The following CCSER1 variants were observed in gnomAD, a reference collection of about 807,000 sequenced individuals.
CCSER1 encodes the protein coiled-coil serine rich protein 1.
In CCSER1, 41 loss-of-function variants were observed where a neutral mutation model predicts 82.0. The observed-to-expected ratio is 0.50, with a 90% CI of 0.39 to 0.65. CCSER1 has a LOEUF of 0.65. CCSER1 is among the 30% of genes least tolerant of loss of function. The pLI, the probability that CCSER1 is intolerant of heterozygous loss-of-function variation, is 0.00. For missense variants in CCSER1, 1,119 were observed against 1,064.2 expected (o/e 1.05, Z -0.72); for synonymous variants, 414 against 383.9 (o/e 1.08, Z -0.92).
At chr4:90,853,392 A>T (rs534996371) in intron 8 of CCSER1, among the ~76,000 whole-genome samples, 2 of 152,272 alleles carry the variant, frequency 1.3e-5, no homozygotes, top group Admixed American at 1.3e-4. Flanking sequence ...TGCTCCTATA[A>T]TTCGTTTTAG....
intron 1 of CCSER1, among the ~76,000 whole-genome samples, chr4:90,259,564 A>G (rs1405347734): frequency 6.6e-6 from 1 of 151,976 alleles, no homozygotes. Context: ...CTCAGGGGAA[A>G]TGCTTTTAGC....
intron 10 of CCSER1, among the ~76,000 whole-genome samples, chr4:91,189,470 T>C (rs957418937): frequency 1.3e-5 from 2 of 152,184 alleles, no homozygotes; most frequent in South Asian, 4.1e-4. Context: ...CCTGGAGTCA[T>C]TGTCTAACCT....
intron 1 of CCSER1, among the ~76,000 whole-genome samples, chr4:90,300,924 C>A (rs1343484071): frequency 1.3e-5 from 2 of 152,164 alleles, no homozygotes; most frequent in African/African-American, 4.8e-5. Flanking sequence ...CTCCAAGGCT[C>A]ATGTGATCCT....
At chr4:91,301,986 CGTTT>C (rs1282011515) in intron 10 of CCSER1, among the ~76,000 whole-genome samples, 1 of 151,390 alleles carries the variant, frequency 6.6e-6, no homozygotes, top group Non-Finnish European at 1.5e-5. Context: ...TTCCTTCCTT[CGTTT>C]ATTTCCTTTT....
chr4:91,423,365 G>A (rs1222900104), intron 10 of CCSER1, among the ~76,000 whole-genome samples: 1 of 151,936 alleles, frequency 6.6e-6, no homozygotes, highest in Non-Finnish European at 1.5e-5. Flanking sequence ...AGGAGGTGGA[G>A]ATTGCAGTAG....
rs1370506797 is a variant in CCSER1, at chr4:91,574,259, A to AGG, written c.2218-24313_2218-24312insGG. On this transcript the variant is annotated intron_variant, in intron 10 of 10. Transcript: ENST00000509176. ...AACAGATGCTACTGAGGTTCTGGAA[A>AGG]AAAAAAAATGAATGCTTATACATAT... is the stretch of plus-strand genomic sequence containing the variant. Among the ~76,000 whole-genome samples the AGG allele has an allele frequency of 9.0e-3, 1,353 of 149,582 alleles. 8 individuals carry two copies. The highest frequency in any genetic ancestry group is 0.021 in the Middle Eastern group (6 of 286).
At chr4:90,661,980 C>A (rs1730879392) in intron 6 of CCSER1, among the ~76,000 whole-genome samples, 1 of 150,532 alleles carries the variant, frequency 6.6e-6, no homozygotes, top group East Asian at 2.0e-4. Flanking sequence ...TGTCCTATAC[C>A]ACTCTTTGTT....
At chr4:91,076,782 C>A (rs1561526425) in intron 9 of CCSER1, among the ~76,000 whole-genome samples, 3 of 152,086 alleles carry the variant, frequency 2.0e-5, no homozygotes, top group Admixed American at 1.3e-4. Context: ...TGAGATCAAT[C>A]CAACACTGGA....
At chr4:91,166,067 G>T (rs1732031240) in intron 10 of CCSER1, among the ~76,000 whole-genome samples, 1 of 152,192 alleles carries the variant, frequency 6.6e-6, no homozygotes, top group Non-Finnish European at 1.5e-5. Context: ...TCTTGAAATG[G>T]AATGCAATTA....
chr4:91,438,414 C>A lies in CCSER1; in HGVS notation c.2218-160158C>A, dbSNP rs535137555. ...CTAGCAAACTCCAACAGACCTGCAGCTGAGGGTCCTGTCTGTTAGAAGGAA... is the reference window on the plus strand; with the variant it reads ...CTAGCAAACTCCAACAGACCTGCAGATGAGGGTCCTGTCTGTTAGAAGGAA... On this transcript the variant is annotated intron_variant, in intron 10 of 10. Coordinates refer to ENST00000509176, the MANE Select transcript of CCSER1 (RefSeq NM_001145065.2). Among the ~76,000 whole-genome samples, 960 of 152,298 alleles carry A rather than the reference C, an allele frequency of 6.3e-3. 10 individuals are homozygous for A. Among genetic ancestry groups the A allele is most frequent in the African/African-American group, 0.022 (927 of 41,550 alleles).
At chr4:90,969,633 T>A (rs73834713) in intron 9 of CCSER1, among the ~76,000 whole-genome samples, 4,987 of 151,972 alleles carry the variant, frequency 0.033, 272 homozygotes, top group African/African-American at 0.1. Flanking sequence ...AACAAAAATT[T>A]AGAGGGAATT....
At chr4:91,288,482 T>C (rs1023654048) in intron 10 of CCSER1, among the ~76,000 whole-genome samples, 5 of 151,908 alleles carry the variant, frequency 3.3e-5, no homozygotes, top group African/African-American at 7.2e-5. Flanking sequence ...AAGTGTGAGA[T>C]AGGAAGGAAA....
chr4:91,472,033 T>TA (rs573473488), intron 10 of CCSER1, among the ~76,000 whole-genome samples: 8 of 151,670 alleles, frequency 5.3e-5, no homozygotes, highest in East Asian at 1.9e-4. Flanking sequence ...AAGTTATTAG[T>TA]AAAAAAAATC....
chr4:90,743,048 G>A (rs1043279071), intron 7 of CCSER1, among the ~76,000 whole-genome samples: 6 of 151,980 alleles, frequency 3.9e-5, no homozygotes, highest in African/African-American at 1.2e-4. Context: ...GGAAAAATTG[G>A]CATGTTGATG....
chr4:90,308,241 C>A lies in CCSER1; in HGVS notation c.-41-3C>A. 1 of 1,473,628 alleles carries A rather than the reference C, an allele frequency of 6.8e-7. No homozygotes were observed. The highest frequency in any genetic ancestry group is 9.0e-7 in the Non-Finnish European group (1 of 1,112,538). The allele number at this position is 1,473,628 out of a possible 1,614,324, so 91.3% of individuals were successfully genotyped here. A position where few individuals can be genotyped will look rare whatever the true frequency, so the allele number is the denominator to read the frequency against. On this transcript the variant is annotated splice_polypyrimidine_tract_variant and splice_region_variant and intron_variant, in intron 1 of 10. Coordinates refer to ENST00000509176, the MANE Select transcript of CCSER1 (RefSeq NM_001145065.2). ...TTGTTGTTTTTGTTTTAACCTTTCT[C>A]AGGCTGCAAAGTTGGCTTTCACAGT...
At chr4:90,701,798 G>A (rs572292096) in intron 6 of CCSER1, among the ~76,000 whole-genome samples, 2 of 152,280 alleles carry the variant, frequency 1.3e-5, no homozygotes, top group East Asian at 1.9e-4. Context: ...GTGTAAGAAC[G>A]CTTATGATTT....
At chr4:91,244,419 T>C (rs1452957757) in intron 10 of CCSER1, among the ~76,000 whole-genome samples, 1 of 152,172 alleles carries the variant, frequency 6.6e-6, no homozygotes. Context: ...GTCCCAGTAG[T>C]GGTGGTCACA....
rs988741343 is a variant in CCSER1 at position 90,181,605 on chromosome 4, G to A, written c.-42+53774G>A. 1.3e-5 allele frequency among the ~76,000 whole-genome samples: 2 copies of A among 152,078 alleles called. 1 individual carries two copies. Among genetic ancestry groups the A allele is most frequent in the South Asian group, 4.1e-4 (2 of 4,822 alleles). Reference sequence around the variant, plus strand: ...AGACAGAGGAACAGTTGCAGGGGTCGTTAATATGCATTTTCCATGGTTCCA... The same window carrying A: ...AGACAGAGGAACAGTTGCAGGGGTCATTAATATGCATTTTCCATGGTTCCA... On this transcript the variant is annotated intron_variant, in intron 1 of 10. Coordinates refer to ENST00000509176, the MANE Select transcript of CCSER1 (RefSeq NM_001145065.2).
At chr4:90,991,748 G>A (rs34653559) in intron 9 of CCSER1, among the ~76,000 whole-genome samples, 34,284 of 151,820 alleles carry the variant, frequency 0.23, 4,249 homozygotes, top group African/African-American at 0.33. Flanking sequence ...TATCTTTTTA[G>A]GAAACACAAT....
Sources: gnomAD v4.1 joint callset for allele counts (sites outside exome capture counted in the v4.1 genomes callset) on GRCh38, gnomAD v4.1.1 for gene constraint, MANE v1.5 for transcripts, NCBI Gene and HGNC (gene_info 2026-07-23, HGNC 2026-07-21) for gene names.